The following SPATA2 variants were observed in gnomAD, a reference collection of about 807,000 sequenced individuals.
SPATA2 encodes spermatogenesis-associated protein 2.
A neutral mutation model predicts 35.4 loss-of-function variants in SPATA2; 8 were observed. The observed-to-expected ratio is 0.23, with a 90% confidence interval of 0.13 to 0.41. The LOEUF (loss-of-function observed/expected upper bound fraction) is 0.41, where lower values mean the gene tolerates loss of function less well. Ranked by LOEUF, SPATA2 falls within the 10% of genes least tolerant of loss-of-function variation. The probability of loss-of-function intolerance (pLI) is 1.00; values close to 1 mark genes in which losing one functional copy is unlikely to be tolerated. For synonymous variants in SPATA2, 293 were observed against 300.9 expected (o/e 0.97, Z 0.27); for missense variants, 650 against 698.7 (o/e 0.93, Z 0.79).
intron 1 of SPATA2, 44 bp from the exon 2 acceptor site, chr20:49,908,636 C>T (rs2090164012): frequency 8.5e-6 from 6 of 705,980 alleles, no homozygotes; most frequent in Admixed American, 2.9e-5. Context: ...TCGATACGGT[C>T]GCGCTTCGGC....
At chr20:49,912,559 T>C (rs1212545680) in intron 1 of SPATA2, among the ~76,000 whole-genome samples, 2 of 152,336 alleles carry the variant, frequency 1.3e-5, no homozygotes, top group East Asian at 3.9e-4. Context: ...GTCTGTTTTT[T>C]GGTAGTCTGA....
At position 49,903,947 on chromosome 20, in the gene SPATA2, A is replaced by ATATATG. The variant is rs2090124784; in HGVS notation, c.*1671_*1672insCATATA. 1.9e-4 allele frequency: 18 copies of ATATATG among 96,844 alleles called. No individual in the cohort carries two copies. The highest frequency in any genetic ancestry group is 3.7e-4 in the Non-Finnish European group (17 of 46,166). The allele number at this position is 96,844 out of a possible 1,614,324, so 6.0% of individuals were successfully genotyped here. A position where few individuals can be genotyped will look rare whatever the true frequency, so the allele number is the denominator to read the frequency against. On this transcript the variant is annotated 3_prime_UTR_variant, in exon 3 of 3. Coordinates refer to ENST00000289431, the MANE Select transcript of SPATA2 (RefSeq NM_006038.4). Reference sequence around the variant, plus strand: ...TATATATATATATATATATATATATATATATTAAAAAGAGAGCCATAGAAG... The same window carrying ATATATG: ...TATATATATATATATATATATATATATATATGTATATTAAAAAGAGAGCCATAGAAG...
chr20:49,907,357 C>T (rs988320200), intron 2 of SPATA2, among the ~76,000 whole-genome samples: 8 of 152,200 alleles, frequency 5.3e-5, no homozygotes, highest in Non-Finnish European at 5.9e-5. Flanking sequence ...CCGCGCCTGG[C>T]AGCAGCTACT....
chr20:49,914,197 A>C (rs534447862), intron 1 of SPATA2, among the ~76,000 whole-genome samples: 1 of 152,176 alleles, frequency 6.6e-6, no homozygotes, highest in Non-Finnish European at 1.5e-5. Context: ...GATATTGCAC[A>C]GTCAGGGAGC....
At chr20:49,910,647 T>G (rs2090177698) in intron 1 of SPATA2, among the ~76,000 whole-genome samples, 1 of 152,132 alleles carries the variant, frequency 6.6e-6, no homozygotes, top group South Asian at 2.1e-4. Flanking sequence ...GGGGACTCCT[T>G]TAGCAGACCT....
chr20:49,908,496 C>A lies in SPATA2; in HGVS notation c.-6G>T. 6.3e-7 allele frequency: 1 copy of A among 1,577,266 alleles called. No homozygotes were observed. The highest frequency in any genetic ancestry group is 1.2e-5 in the South Asian group (1 of 86,300). On this transcript the variant is annotated 5_prime_UTR_variant, in exon 2 of 3. Transcript: ENST00000289431. ...ATTGAACTGGGCTTCCCCATCCGATCGAGGGGGGCTACCTTATCTCCTCCA... is the reference window on the plus strand; with the variant it reads ...ATTGAACTGGGCTTCCCCATCCGATAGAGGGGGGCTACCTTATCTCCTCCA...
rs1431587837 is a variant in SPATA2 at position 49,903,902 on chromosome 20, G to GATAGATAGATAGATATAT, written c.*1716_*1717insATATATCTATCTATCTAT. 1 of 96,930 alleles carries GATAGATAGATAGATATAT rather than the reference G, an allele frequency of 1.0e-5. No homozygotes were observed. The highest frequency in any genetic ancestry group is 2.0e-5 in the Non-Finnish European group (1 of 49,708). The allele number at this position is 96,930 out of a possible 1,614,324, so 6.0% of individuals were successfully genotyped here. ...ACATCTACATGTGATCTACCAGATAGATATATATATATATATATATATATA... is the reference window on the plus strand; with the variant it reads ...ACATCTACATGTGATCTACCAGATAGATAGATAGATAGATATATATATATATATATATATATATATATA... On this transcript the variant is annotated 3_prime_UTR_variant, in exon 3 of 3. Transcript: ENST00000289431.
Position 49,904,173 on chromosome 20 carries a change from C to T in SPATA2, c.*1446G>A, listed in dbSNP as rs534322720. On this transcript the variant is annotated 3_prime_UTR_variant, in exon 3 of 3. Coordinates refer to ENST00000289431, the MANE Select transcript of SPATA2 (RefSeq NM_006038.4). The stretch of plus-strand genomic sequence containing the variant: ...ATATAGTTAGTTCACAAGGAAGCGG[C>T]TTTATTTTCAAACTCTTGCCCCACT... 8.5e-5 allele frequency: 13 copies of T among 152,464 alleles called. No homozygotes were observed. Among genetic ancestry groups the T allele is most frequent in the African/African-American group, 3.1e-4 (13 of 41,452 alleles). 9.4% of individuals were successfully genotyped at this position (152,464 alleles called of 1,614,324 possible).
At chr20:49,907,884 G>A (rs144550605) in intron 2 of SPATA2, among the ~76,000 whole-genome samples, 56 of 132,314 alleles carry the variant, frequency 4.2e-4, no homozygotes, top group Non-Finnish European at 8.5e-4. Flanking sequence ...CTCCTTCCCC[G>A]CCTACTCAGA....
Position 49,905,418 on chromosome 20 carries a change from C to A in SPATA2, c.*201G>T. 1.7e-6 allele frequency: 1 copy of A among 592,288 alleles called. No individual in the cohort carries two copies. The highest frequency in any genetic ancestry group is 3.0e-6 in the Non-Finnish European group (1 of 334,316). 36.7% of individuals were successfully genotyped at this position (592,288 alleles called of 1,614,324 possible). A position where few individuals can be genotyped will look rare whatever the true frequency, so the allele number is the denominator to read the frequency against. ...ACGGAAGTGCCACCTTCTCCCTTGTCAGACAACAAAGCAGCCATTGGTTGA... is the reference window on the plus strand; with the variant it reads ...ACGGAAGTGCCACCTTCTCCCTTGTAAGACAACAAAGCAGCCATTGGTTGA... On this transcript the variant is annotated 3_prime_UTR_variant, in exon 3 of 3. Coordinates refer to ENST00000289431, the MANE Select transcript of SPATA2 (RefSeq NM_006038.4).
intron 1 of SPATA2, among the ~76,000 whole-genome samples, chr20:49,912,939 C>CAA (rs3092212): frequency 1.2e-4 from 12 of 98,686 alleles, no homozygotes; most frequent in East Asian, 1.2e-3. Flanking sequence ...TCCGTCTCTA[C>CAA]AAAAAAAAAA....
chr20:49,905,892 C>T lies in SPATA2; in HGVS notation c.1290G>A (p.Arg430=). The T allele has an allele frequency of 6.2e-7, 1 of 1,612,906 alleles. No homozygotes were observed. The highest frequency in any genetic ancestry group is 8.5e-7 in the Non-Finnish European group (1 of 1,180,008). ...HDSLAHGASL[R]EKYPGQTQGL... Reference sequence around the variant, plus strand: ...CCTGAGTCTGGCCTGGGTACTTCTCCCGCAGAGATGCCCCGTGGGCCAGGC... The same window carrying T: ...CCTGAGTCTGGCCTGGGTACTTCTCTCGCAGAGATGCCCCGTGGGCCAGGC... The change falls in exon 3 of 3, where the codon CGG becomes CGA. Residue 430 remains arginine, a synonymous_variant. Coordinates refer to ENST00000289431, the MANE Select transcript of SPATA2 (RefSeq NM_006038.4).
At chr20:49,907,376 CA>C (rs2090153717) in intron 2 of SPATA2, among the ~76,000 whole-genome samples, 1 of 152,146 alleles carries the variant, frequency 6.6e-6, no homozygotes, top group South Asian at 2.1e-4. Flanking sequence ...CTTTGTTAAA[CA>C]CAGGAAGCAA....
chr20:49,909,535 G>A (rs116304296), intron 1 of SPATA2, among the ~76,000 whole-genome samples: 1 of 150,622 alleles, frequency 6.6e-6, no homozygotes, highest in African/African-American at 2.5e-5. Context: ...GTGAAACCAC[G>A]TCTCTACAAA....
intron 1 of SPATA2, among the ~76,000 whole-genome samples, chr20:49,910,570 T>A (rs2254930): frequency 0.42 from 64,128 of 152,010 alleles, 15,610 homozygotes; most frequent in East Asian, 0.79. Context: ...GTGTGCTTCA[T>A]GTCTGCTGAG....
chr20:49,911,695 A>G (rs1568909319), intron 1 of SPATA2, among the ~76,000 whole-genome samples: 3 of 151,900 alleles, frequency 2.0e-5, no homozygotes, highest in African/African-American at 7.3e-5. Context: ...AAGAAAAAGA[A>G]AAGAGAAAAA....
At chr20:49,910,484 T>A (rs2090176768) in intron 1 of SPATA2, among the ~76,000 whole-genome samples, 1 of 152,184 alleles carries the variant, frequency 6.6e-6, no homozygotes. Context: ...CATTTTCACA[T>A]GCTCTGGTCC....
rs559431271 is a variant in SPATA2, at chr20:49,905,455, C to A, written c.*164G>T. The stretch of plus-strand genomic sequence containing the variant: ...CAGCCATTGGTTGAGATATCTGAGT[C>A]GCTAAGTGAACTCCCACGTGGACAC... On this transcript the variant is annotated 3_prime_UTR_variant, in exon 3 of 3. Transcript: ENST00000289431. 5.3e-5 allele frequency: 36 copies of A among 673,494 alleles called. No homozygotes were observed. The East Asian group carries it at 9.6e-4, about 18-fold the overall frequency. The allele number at this position is 673,494 out of a possible 1,614,324, so 41.7% of individuals were successfully genotyped here.
rs141429004 is a variant in SPATA2 at position 49,909,869 on chromosome 20, G to A, written c.-102-1277C>T. 2.5e-4 allele frequency among the ~76,000 whole-genome samples: 38 copies of A among 152,360 alleles called. 1 individual carries two copies. In the East Asian group the frequency reaches 6.6e-3, roughly 26 times the overall value. ...CACTGAAGAGTTTACAGCGAGGGGA[G>A]AGAGATACGGTCTTATTTACAATTT... is the stretch of plus-strand genomic sequence containing the variant. On this transcript the variant is annotated intron_variant, in intron 1 of 2. Transcript: ENST00000289431.
Sources: allele counts gnomAD v4.1 joint callset (sites outside exome capture counted in the v4.1 genomes callset), GRCh38; gene constraint gnomAD v4.1.1; transcripts MANE v1.5; gene names NCBI Gene and HGNC (gene_info 2026-07-23, HGNC 2026-07-21).